ITGB3BP: variants seen among roughly 807,000 people sequenced by gnomAD.
ITGB3BP encodes the protein integrin subunit beta 3 binding protein, also known as centromere protein R.
ITGB3BP carries 27 observed loss-of-function variants against 29.1 expected under a neutral mutation model. The observed-to-expected ratio is 0.93, with a 90% CI of 0.68 to 1.28. The LOEUF (loss-of-function observed/expected upper bound fraction) is 1.28. Among genes scored for constraint, ITGB3BP ranks in the 50% most tolerant of loss-of-function variants. ITGB3BP has a pLI of 0.00. For missense variants in ITGB3BP, 192 were observed against 200.2 expected (o/e 0.96, Z 0.25); for synonymous variants, 61 against 61.4 (o/e 0.99, Z 0.03).
At chr1:63,492,820 C>T (rs923997076) in intron 2 of ITGB3BP, among the ~76,000 whole-genome samples, 1 of 152,050 alleles carries the variant, frequency 6.6e-6, no homozygotes, top group African/African-American at 2.4e-5. Context: ...AGAAAGAGAG[C>T]GATGTCAGCT....
chr1:63,510,016 C>G (rs1050273142), intron 1 of ITGB3BP: 1 of 504,678 alleles, frequency 2.0e-6, no homozygotes, highest in Non-Finnish European at 3.6e-6. Context: ...TGGTGAAACC[C>G]TGTCTGTACT....
At chr1:63,513,178 A>G (rs1284791948) in intron 1 of ITGB3BP, among the ~76,000 whole-genome samples, 3 of 152,224 alleles carry the variant, frequency 2.0e-5, no homozygotes, top group Admixed American at 6.5e-5. Context: ...GAAATCTTAT[A>G]AAGAGCCACT....
intron 8 of ITGB3BP, among the ~76,000 whole-genome samples, chr1:63,442,195 A>AATGTTT (rs5774654): frequency 0.6 from 91,427 of 151,444 alleles, 29,310 homozygotes; most frequent in African/African-American, 0.82. Context: ...AGTAGAGAAT[A>AATGTTT]ATACTTCTCA....
At chr1:63,490,359 A>C (rs1645619942) in intron 2 of ITGB3BP, 141 bp from the exon 3 acceptor site, 1 of 585,060 alleles carries the variant, frequency 1.7e-6, no homozygotes, top group Non-Finnish European at 3.0e-6. Context: ...CTCAACTATC[A>C]CTCTCAAAGT....
intron 1 of ITGB3BP, chr1:63,510,108 T>C: frequency 3.1e-6 from 2 of 635,708 alleles, no homozygotes; most frequent in Non-Finnish European, 2.9e-6. Context: ...GAGAATCGCT[T>C]GAACGCGGGA....
intron 8 of ITGB3BP, among the ~76,000 whole-genome samples, chr1:63,441,532 G>A (rs1346519559): frequency 6.6e-6 from 1 of 152,094 alleles, no homozygotes; most frequent in Admixed American, 6.5e-5. Flanking sequence ...CACTGTGCCC[G>A]GCCTTATTTG....
intron 4 of ITGB3BP, among the ~76,000 whole-genome samples, chr1:63,466,885 C>G (rs1250207213): frequency 1.3e-5 from 2 of 152,158 alleles, no homozygotes; most frequent in Admixed American, 6.5e-5. Flanking sequence ...CTTCTCCAAG[C>G]TGCAGGGTGA....
Position 63,454,005 on chromosome 1 carries a change from T to G in ITGB3BP, c.428-31A>C. The G allele has an allele frequency of 7.6e-7, 1 of 1,316,116 alleles. No homozygotes were observed. Among genetic ancestry groups the G allele is most frequent in the Non-Finnish European group, 1.1e-6 (1 of 921,382 alleles). 81.5% of individuals were successfully genotyped at this position (1,316,116 alleles called of 1,614,324 possible). Reference sequence around the variant, plus strand: ...AGAAGTAAAAATCCCATGTCAAGAATTAACATAGAATATGGATAATTTCTC... The same window carrying G: ...AGAAGTAAAAATCCCATGTCAAGAAGTAACATAGAATATGGATAATTTCTC... On this transcript the variant is annotated intron_variant, in intron 6 of 8. Coordinates refer to ENST00000271002, the MANE Select transcript of ITGB3BP (RefSeq NM_014288.5). This position sits in a 1 kb window ranked among gnomAD's most constrained non-coding sequence, Gnocchi z 4.1.
At position 63,492,440 on chromosome 1, in the gene ITGB3BP, C is replaced by G. The variant is rs1236928392; in HGVS notation, c.49-2222G>C. On this transcript the variant is annotated intron_variant, in intron 2 of 8. Transcript: ENST00000271002. ...TACACACAAAGGCATAACCCTACTT[C>G]CCTAAGTTTTCTTTCCCTCAAGGTT... Among the ~76,000 whole-genome samples the G allele has an allele frequency of 9.2e-5, 14 of 152,270 alleles. No individual in the cohort carries two copies. The East Asian group carries it at 2.3e-3, about 25-fold the overall frequency.
chr1:63,474,549 T>A (rs1402224923), intron 4 of ITGB3BP, among the ~76,000 whole-genome samples: 1 of 150,444 alleles, frequency 6.6e-6, no homozygotes, highest in Non-Finnish European at 1.5e-5. Context: ...TGTTCTGTAC[T>A]AAGAAAAATT....
At chr1:63,476,087 T>C (rs1293488199) in intron 4 of ITGB3BP, among the ~76,000 whole-genome samples, 1 of 151,774 alleles carries the variant, frequency 6.6e-6, no homozygotes. Flanking sequence ...GCAGCAGCTA[T>C]TTACAGGAGG....
rs766729009 is a variant in ITGB3BP at position 63,454,431 on chromosome 1, A to G, written c.376T>C (p.Ser126Pro). The change falls in exon 6 of 9, where the codon TCC (serine) becomes CCC (proline). Residue 126 changes from serine to proline, a missense_variant. Coordinates refer to ENST00000271002, the MANE Select transcript of ITGB3BP (RefSeq NM_014288.5). The surrounding 1 kb of genome is among the most constrained non-coding windows in gnomAD (Gnocchi z 4.1). ...CTTTTTAAGAAATGTGATGCACAGG[A>G]GATTCCAATGAGATTTTCAAGCTCT... is the stretch of plus-strand genomic sequence containing the variant. ...SRELENLIGISCASHFLKREM... is the reference protein window; with the variant it reads ...SRELENLIGIPCASHFLKREM... The G allele has an allele frequency of 3.1e-6, 5 of 1,604,840 alleles. No individual in the cohort carries two copies. The South Asian group carries it at 5.5e-5, about 18-fold the overall frequency.
intron 3 of ITGB3BP, among the ~76,000 whole-genome samples, chr1:63,484,114 A>AAAG (rs1193567920): frequency 6.6e-6 from 1 of 152,210 alleles, no homozygotes; most frequent in African/African-American, 2.4e-5. Flanking sequence ...TTGTTTAAAA[A>AAAG]AAGGATGGTT....
At chr1:63,492,388 T>C (rs17391738) in intron 2 of ITGB3BP, among the ~76,000 whole-genome samples, 58,833 of 152,036 alleles carry the variant, frequency 0.39, 13,386 homozygotes, top group Non-Finnish European at 0.52. Flanking sequence ...TCAGTAAATA[T>C]GCACTTTTGT....
intron 4 of ITGB3BP, among the ~76,000 whole-genome samples, chr1:63,473,537 C>G (rs1485324677): frequency 7.4e-6 from 1 of 135,866 alleles, no homozygotes; most frequent in Admixed American, 7.1e-5. Flanking sequence ...GTCAGCCCCC[C>G]GCCCGGCCAG....
At chr1:63,444,879 C>T (rs1037001143) in intron 8 of ITGB3BP, among the ~76,000 whole-genome samples, 2 of 151,954 alleles carry the variant, frequency 1.3e-5, no homozygotes, top group African/African-American at 4.8e-5. Flanking sequence ...TCGTTTGTGC[C>T]TCAATTGCCT....
chr1:63,483,118 G>GT (rs1239481400), intron 3 of ITGB3BP, among the ~76,000 whole-genome samples: 1 of 152,190 alleles, frequency 6.6e-6, no homozygotes, highest in African/African-American at 2.4e-5. Context: ...TTGGGAAGCA[G>GT]TAACAAAAAT....
At chr1:63,501,674 A>G (rs1306276170) in intron 2 of ITGB3BP, among the ~76,000 whole-genome samples, 1 of 151,914 alleles carries the variant, frequency 6.6e-6, no homozygotes, top group African/African-American at 2.4e-5. Flanking sequence ...ACCAGCCTGG[A>G]CAACATGGCA....
chr1:63,510,975 A>C (rs1646188195), intron 1 of ITGB3BP, among the ~76,000 whole-genome samples: 1 of 152,140 alleles, frequency 6.6e-6, no homozygotes, highest in Non-Finnish European at 1.5e-5. Context: ...TATATGGGAT[A>C]TTTTCCTAAA....
Sources: allele counts gnomAD v4.1 joint callset (sites outside exome capture counted in the v4.1 genomes callset), GRCh38; gene constraint gnomAD v4.1.1; non-coding constraint Gnocchi (gnomAD v3.1); transcripts MANE v1.5; gene names NCBI Gene and HGNC (gene_info 2026-07-23, HGNC 2026-07-21).